CHST11: variants seen among roughly 807,000 people sequenced by gnomAD.
CHST11 encodes C4S-1.
Under a neutral mutation model 30.4 loss-of-function variants are expected in CHST11, and 9 were observed. The observed-to-expected ratio is 0.30, with a 90% CI of 0.18 to 0.52. The LOEUF (loss-of-function observed/expected upper bound fraction) is 0.52. CHST11 is among the 20% of genes least tolerant of loss of function. The probability of loss-of-function intolerance (pLI) is 0.97; values close to 1 mark genes in which losing one functional copy is unlikely to be tolerated. For missense variants in CHST11, 348 were observed against 460.6 expected, an observed-to-expected ratio of 0.76 and a Z score of 2.24; for synonymous variants, 152 against 187.8, an observed-to-expected ratio of 0.81 and a Z score of 1.56.
intron 2 of CHST11, among the ~76,000 whole-genome samples, chr12:104,610,967 G>T (rs1373897739): frequency 6.6e-6 from 1 of 152,194 alleles, no homozygotes; most frequent in African/African-American, 2.4e-5. Flanking sequence ...AAGATGCCCA[G>T]TCAATGCTGA....
intron 1 of CHST11, among the ~76,000 whole-genome samples, chr12:104,548,131 A>T (rs1257338488): frequency 3.3e-5 from 5 of 152,224 alleles, no homozygotes; most frequent in African/African-American, 9.6e-5. Flanking sequence ...AAACTCATTG[A>T]GGGCAGAGCC....
chr12:104,705,285 A>G (rs940784177), intron 2 of CHST11, among the ~76,000 whole-genome samples: 7 of 152,152 alleles, frequency 4.6e-5, no homozygotes, highest in African/African-American at 1.7e-4. Flanking sequence ...CTCCAAATTC[A>G]TCGCTGATTC....
At chr12:104,459,492 A>T (rs2037387448) in intron 1 of CHST11, among the ~76,000 whole-genome samples, 1 of 152,246 alleles carries the variant, frequency 6.6e-6, no homozygotes, top group Non-Finnish European at 1.5e-5. Flanking sequence ...CTTCAGCAGG[A>T]ATGCGCTTGA....
intron 1 of CHST11, among the ~76,000 whole-genome samples, chr12:104,487,940 ACTTT>A (rs1462160875): frequency 1.3e-5 from 2 of 150,510 alleles, no homozygotes; most frequent in African/African-American, 4.9e-5. Context: ...ACAGAGCCTT[ACTTT>A]GTTTTCCAGG....
At chr12:104,748,833 A>C (rs2040408728) in intron 2 of CHST11, among the ~76,000 whole-genome samples, 2 of 152,298 alleles carry the variant, frequency 1.3e-5, no homozygotes, top group African/African-American at 4.8e-5. Context: ...AGACCTGCTG[A>C]GTCAGAAATT....
intron 2 of CHST11, among the ~76,000 whole-genome samples, chr12:104,680,350 C>T (rs1271492175): frequency 6.6e-6 from 1 of 152,218 alleles, no homozygotes; most frequent in Non-Finnish European, 1.5e-5. Flanking sequence ...AGTGCAAGGG[C>T]ACCACAGCAG....
At chr12:104,637,934 A>G (rs1179468884) in intron 2 of CHST11, among the ~76,000 whole-genome samples, 1 of 151,958 alleles carries the variant, frequency 6.6e-6, no homozygotes, top group East Asian at 1.9e-4. Flanking sequence ...GGGTCCTGCC[A>G]GGCTGGAACC....
intron 2 of CHST11, among the ~76,000 whole-genome samples, chr12:104,624,164 C>T (rs915753316): frequency 7.2e-5 from 11 of 152,180 alleles, no homozygotes; most frequent in South Asian, 2.1e-4. Context: ...CACTCCATTC[C>T]GGCCTCTGAT....
intron 1 of CHST11, among the ~76,000 whole-genome samples, chr12:104,582,532 A>G (rs2038756628): frequency 6.6e-6 from 1 of 152,112 alleles, no homozygotes; most frequent in African/African-American, 2.4e-5. Flanking sequence ...TTACTAAGGG[A>G]TGCAACTGGA....
In CHST11 at chr12:104,590,013, T is replaced by TTAGA. The variant is rs1555234607; in HGVS notation, c.119-11891_119-11890insGATA. On this transcript the variant is annotated intron_variant, in intron 1 of 2. Coordinates refer to ENST00000303694, the MANE Select transcript of CHST11 (RefSeq NM_018413.6). The stretch of plus-strand genomic sequence containing the variant: ...AACAAAGCGAGACTCTGTCTCAAAA[T>TTAGA]TAAATAAATAAATAAATAAATAAAT... 5.0e-4 allele frequency among the ~76,000 whole-genome samples: 76 copies of TTAGA among 151,256 alleles called. 3 individuals are homozygous for TTAGA. The South Asian group carries it at 0.014, about 28-fold the overall frequency.
intron 1 of CHST11, among the ~76,000 whole-genome samples, chr12:104,575,643 G>T (rs1490238791): frequency 6.6e-6 from 1 of 152,150 alleles, no homozygotes; most frequent in African/African-American, 2.4e-5. Flanking sequence ...AGCAGGTGCT[G>T]TTCTGTGGGG....
chr12:104,616,664 C>T (rs2039110999), intron 2 of CHST11, among the ~76,000 whole-genome samples: 1 of 152,164 alleles, frequency 6.6e-6, no homozygotes, highest in Admixed American at 6.5e-5. Context: ...CAGGGTTTCA[C>T]CACATTGGCC....
chr12:104,648,148 T>C (rs1218848935), intron 2 of CHST11, among the ~76,000 whole-genome samples: 1 of 152,238 alleles, frequency 6.6e-6, no homozygotes, highest in Non-Finnish European at 1.5e-5. Flanking sequence ...AGAGGCTGAC[T>C]ACTGTGTATC....
At chr12:104,532,837 G>T (rs58311253) in intron 1 of CHST11, among the ~76,000 whole-genome samples, 84,512 of 151,462 alleles carry the variant, frequency 0.56, 24,505 homozygotes, top group East Asian at 0.97. Context: ...CCAGACAGTG[G>T]CCCCCACACC....
chr12:104,554,413 G>A (rs75194525), intron 1 of CHST11, among the ~76,000 whole-genome samples: 266 of 152,312 alleles, frequency 1.7e-3, no homozygotes, highest in African/African-American at 6.2e-3. Flanking sequence ...CCAGTGACTG[G>A]CAAAGTGTTT....
At chr12:104,535,016 CCCCTG>C (rs1209969489) in intron 1 of CHST11, among the ~76,000 whole-genome samples, 1 of 152,152 alleles carries the variant, frequency 6.6e-6, no homozygotes, top group Non-Finnish European at 1.5e-5. Flanking sequence ...TTCTGTGAAA[CCCCTG>C]TGGCAAAGAT....
chr12:104,752,759 C>T (rs1050587543), intron 2 of CHST11, among the ~76,000 whole-genome samples: 1 of 152,118 alleles, frequency 6.6e-6, no homozygotes. Flanking sequence ...ACACTCCTGA[C>T]CTCAAGTAAT....
chr12:104,641,617 G>C (rs753557509), intron 2 of CHST11, among the ~76,000 whole-genome samples: 3 of 152,122 alleles, frequency 2.0e-5, no homozygotes, highest in African/African-American at 7.2e-5. Flanking sequence ...TGGGGGTTAA[G>C]GTATGAGTGT....
At chr12:104,485,982 C>CTG (rs2037673677) in intron 1 of CHST11, among the ~76,000 whole-genome samples, 1 of 152,166 alleles carries the variant, frequency 6.6e-6, no homozygotes, top group African/African-American at 2.4e-5. Flanking sequence ...TCGCACCATT[C>CTG]TGTGTGCGTG....
Sources: gnomAD v4.1 joint callset for allele counts (sites outside exome capture counted in the v4.1 genomes callset) on GRCh38, gnomAD v4.1.1 for gene constraint, MANE v1.5 for transcripts, NCBI Gene and HGNC (gene_info 2026-07-23, HGNC 2026-07-21) for gene names.